THSD4: variants seen among roughly 807,000 people sequenced by gnomAD.
The protein encoded by THSD4 is thrombospondin type-1 domain-containing protein 4.
In THSD4, 69 loss-of-function variants were observed where a neutral mutation model predicts 119.0. The observed-to-expected ratio is 0.58, with a 90% confidence interval of 0.48 to 0.71. The LOEUF (loss-of-function observed/expected upper bound fraction) is 0.71. Among genes scored for constraint, THSD4 ranks in the 30% least tolerant of loss-of-function variants. THSD4 has a pLI of 0.00. For synonymous variants in THSD4, 524 were observed against 540.4 expected, an observed-to-expected ratio of 0.97 and a Z score of 0.42; for missense variants, 1,393 against 1,391.1, an observed-to-expected ratio of 1.00 and a Z score of -0.02.
chr15:71,133,328 G>T (rs931466752), intron 1 of THSD4, among the ~76,000 whole-genome samples: 6 of 152,266 alleles, frequency 3.9e-5, no homozygotes, highest in African/African-American at 1.4e-4. Flanking sequence ...CCTGGGCTGC[G>T]CAGTGGTGCC....
At chr15:71,243,172 G>A in intron 5 of THSD4, 76 bp downstream of exon 5, 3 of 1,450,466 alleles carry the variant, frequency 2.1e-6, no homozygotes, top group Non-Finnish European at 2.8e-6. Flanking sequence ...TAAGCATGAT[G>A]AAGACAGCAA....
intron 6 of THSD4, among the ~76,000 whole-genome samples, chr15:71,340,623 T>C (rs979697113): frequency 6.7e-6 from 1 of 150,138 alleles, no homozygotes; most frequent in Non-Finnish European, 1.5e-5. Context: ...TTTTTTTTTT[T>C]GCGACACAGT....
rs773663888 is a variant in THSD4, at chr15:71,758,041, G to A, written c.2555G>A (p.Gly852Asp). ...CCATGTGACAACGGACCCTGCACGG[G>A]CAAGGTGGAGTGGTTTGCCGGGAGC... ...ATPCDNGPCT[G>D]KVEWFAGSWS... The change falls in exon 15 of 18, where the codon GGC (glycine) becomes GAC (aspartate). Residue 852 changes from glycine (G) to aspartate (D), a missense_variant. Transcript: ENST00000261862. The A allele has an allele frequency of 3.1e-6, 5 of 1,602,954 alleles. No individual in the cohort carries two copies. The African/African-American group carries it at 6.7e-5, about 21-fold the overall frequency.
At chr15:71,415,777 A>G (rs551722399) in intron 7 of THSD4, among the ~76,000 whole-genome samples, 39 of 152,240 alleles carry the variant, frequency 2.6e-4, no homozygotes, top group African/African-American at 8.9e-4. Flanking sequence ...AATAAGTGAG[A>G]ACATGCCAAG....
chr15:71,671,480 T>C (rs897798288), intron 8 of THSD4, among the ~76,000 whole-genome samples: 1 of 152,240 alleles, frequency 6.6e-6, no homozygotes, highest in Admixed American at 6.5e-5. Context: ...CAGAAGCTCT[T>C]GAGTTCAATT....
intron 3 of THSD4, among the ~76,000 whole-genome samples, chr15:71,205,591 A>G (rs2043837150): frequency 6.6e-6 from 1 of 152,064 alleles, no homozygotes; most frequent in Non-Finnish European, 1.5e-5. Context: ...CATTTGTAGA[A>G]CTCATTTACA....
intron 6 of THSD4, among the ~76,000 whole-genome samples, chr15:71,302,051 A>G (rs762811626): frequency 6.6e-6 from 1 of 152,128 alleles, no homozygotes. Flanking sequence ...GGGTTGGTTT[A>G]TTTTGGGATC....
intron 11 of THSD4, chr15:71,738,341 T>C (rs1311947781): frequency 8.0e-6 from 2 of 249,776 alleles, no homozygotes; most frequent in East Asian, 2.1e-4. Context: ...ACCTGGTTCC[T>C]AACAGGCCAT....
rs574600942 is a variant in THSD4 at position 71,486,861 on chromosome 15, G to A, written c.1152+75038G>A. Among the ~76,000 whole-genome samples, 250 of 152,168 alleles carry A rather than the reference G, an allele frequency of 1.6e-3. 10 individuals are homozygous for A. The South Asian group carries it at 0.049, about 30-fold the overall frequency. ...CCTGGCTCAAGAGGAGTACCTATGA[G>A]AATATTTTGAATTTGCCTTTTCGGG... On this transcript the variant is annotated intron_variant, in intron 7 of 17. Coordinates refer to ENST00000261862, the MANE Select transcript of THSD4 (RefSeq NM_024817.3).
intron 6 of THSD4, among the ~76,000 whole-genome samples, chr15:71,317,453 G>A (rs114470609): frequency 0.017 from 2,540 of 152,316 alleles, 66 homozygotes; most frequent in African/African-American, 0.059. Flanking sequence ...AGGCAAGAGA[G>A]CATGTGCAGG....
intron 6 of THSD4, chr15:71,341,033 A>G: frequency 5.6e-5 from 31 of 549,714 alleles, no homozygotes; most frequent in Non-Finnish European, 8.9e-5. Flanking sequence ...AGTGTCTTGC[A>G]TTTCCTCTCT....
At chr15:71,321,888 A>C (rs948818670) in intron 6 of THSD4, among the ~76,000 whole-genome samples, 1 of 152,118 alleles carries the variant, frequency 6.6e-6, no homozygotes, top group East Asian at 1.9e-4. Context: ...ATGGGCAAAA[A>C]ATTTTACTTT....
intron 7 of THSD4, among the ~76,000 whole-genome samples, chr15:71,480,748 T>G (rs2047718005): frequency 6.6e-6 from 1 of 152,212 alleles, no homozygotes; most frequent in Non-Finnish European, 1.5e-5. Flanking sequence ...GTCACAAATA[T>G]TCCATTGGCC....
intron 7 of THSD4, among the ~76,000 whole-genome samples, chr15:71,556,901 G>C (rs2049027347): frequency 1.3e-5 from 2 of 151,792 alleles, no homozygotes; most frequent in Admixed American, 6.6e-5. Flanking sequence ...GGCCATTTTG[G>C]CTTTTTTCCT....
Position 71,548,787 on chromosome 15 carries a change from G to C in THSD4, c.1153-111743G>C, listed in dbSNP as rs554502880. Among the ~76,000 whole-genome samples the C allele has an allele frequency of 1.1e-4, 17 of 152,284 alleles. No individual in the cohort carries two copies. In the East Asian group the frequency reaches 3.1e-3, roughly 28 times the overall value. On this transcript the variant is annotated intron_variant, in intron 7 of 17. Coordinates refer to ENST00000261862, the MANE Select transcript of THSD4 (RefSeq NM_024817.3). ...CGTGTGTAGAGTGAATGACAAATGG[G>C]CTGGCCTCACTCAGCCTGGAGCATT...
intron 7 of THSD4, among the ~76,000 whole-genome samples, chr15:71,491,187 C>T (rs773669484): frequency 3.3e-5 from 5 of 152,168 alleles, no homozygotes; most frequent in Non-Finnish European, 7.3e-5. Context: ...CCCTTTTCCT[C>T]CACACCCTTG....
intron 6 of THSD4, among the ~76,000 whole-genome samples, chr15:71,288,093 T>C (rs1308027998): frequency 6.6e-6 from 1 of 152,214 alleles, no homozygotes; most frequent in African/African-American, 2.4e-5. Context: ...ATGAAACATG[T>C]AAAATGCTTA....
chr15:71,142,800 T>G (rs1216460123), intron 2 of THSD4, among the ~76,000 whole-genome samples: 1 of 152,284 alleles, frequency 6.6e-6, no homozygotes, highest in Admixed American at 6.5e-5. Flanking sequence ...TGTTTCCAAG[T>G]TGAATCATTA....
intron 3 of THSD4, among the ~76,000 whole-genome samples, chr15:71,209,628 T>C (rs887022481): frequency 2.6e-5 from 4 of 152,166 alleles, no homozygotes; most frequent in African/African-American, 9.7e-5. Context: ...TAATGGAAGA[T>C]CTCTTTTGTT....
Sources: gnomAD v4.1 joint callset for allele counts (sites outside exome capture counted in the v4.1 genomes callset) on GRCh38, gnomAD v4.1.1 for gene constraint, MANE v1.5 for transcripts, NCBI Gene and HGNC (gene_info 2026-07-23, HGNC 2026-07-21) for gene names.